PCDHGB4: variants seen among roughly 807,000 people sequenced by gnomAD.
PCDHGB4 encodes protocadherin gamma-B4.
Under a neutral mutation model 60.5 loss-of-function variants are expected in PCDHGB4, and 38 were observed. That is an observed-to-expected ratio of 0.63 (90% CI 0.48 to 0.82). The LOEUF (loss-of-function observed/expected upper bound fraction) is 0.82, where lower values mean the gene tolerates loss of function less well. Among genes scored for constraint, PCDHGB4 ranks in the 40% least tolerant of loss-of-function variants. The pLI, the probability that PCDHGB4 is intolerant of heterozygous loss-of-function variation, is 0.00. For missense variants in PCDHGB4, 1,109 were observed against 1,209.6 expected (o/e 0.92, Z 1.23); for synonymous variants, 456 against 509.7 (o/e 0.89, Z 1.42).
At chr5:141,405,062 T>C in intron 1 of PCDHGB4, 1 of 1,613,918 alleles carries the variant, frequency 6.2e-7, no homozygotes, top group Non-Finnish European at 8.5e-7. Flanking sequence ...CTCCTGTGTC[T>C]TCCTCACCTT....
rs539072548 is a variant in PCDHGB4 at position 141,421,546 on chromosome 5, A to G, written c.2397+31265A>G. 4.3e-6 allele frequency: 7 copies of G among 1,613,896 alleles called. No homozygotes were observed. The South Asian group carries it at 4.4e-5, about 10-fold the overall frequency. ...GACGGTGTCCTCCTGTTTTTTAAAT[A>G]TGGAACTTCTCGTGGAAGACACCTT... On this transcript the variant is annotated intron_variant, in intron 1 of 3. Transcript: ENST00000519479.
chr5:141,403,256 T>G, intron 1 of PCDHGB4: 3 of 1,613,854 alleles, frequency 1.9e-6, no homozygotes, highest in Non-Finnish European at 2.5e-6. Flanking sequence ...GAGCCCGCGG[T>G]GTCTGGTGAA....
In PCDHGB4 at chr5:141,511,318, A is replaced by C; in HGVS notation, c.*145A>C. 2 of 1,476,400 alleles carry C rather than the reference A, an allele frequency of 1.4e-6. No homozygotes were observed. Among genetic ancestry groups the C allele is most frequent in the South Asian group, 2.7e-5 (2 of 72,796 alleles). 91.5% of individuals were successfully genotyped at this position (1,476,400 alleles called of 1,614,324 possible). On this transcript the variant is annotated 3_prime_UTR_variant, in exon 4 of 4. Transcript: ENST00000519479. The stretch of plus-strand genomic sequence containing the variant: ...GCCATGCTCCCCTTGGGAAACAGAA[A>C]CAAGTGCCCAGTCAGCACCTACCCC...
At chr5:141,458,064 C>T (rs886724551) in intron 1 of PCDHGB4, among the ~76,000 whole-genome samples, 14 of 152,104 alleles carry the variant, frequency 9.2e-5, no homozygotes, top group East Asian at 3.9e-4. Context: ...TGCACTGATG[C>T]GAACAACTAT....
chr5:141,399,631 T>A lies in PCDHGB4; in HGVS notation c.2397+9350T>A, dbSNP rs1251761184. On this transcript the variant is annotated intron_variant, in intron 1 of 3. Transcript: ENST00000519479. ...GCCTCTGGCACTGGCCTCTTACGTGTCCATGAGCGCGCAAAGTGGGGTGGT... is the reference window on the plus strand; with the variant it reads ...GCCTCTGGCACTGGCCTCTTACGTGACCATGAGCGCGCAAAGTGGGGTGGT... 31 of 1,613,746 alleles carry A rather than the reference T, an allele frequency of 1.9e-5. No homozygotes were observed. The highest frequency in any genetic ancestry group is 2.4e-5 in the Non-Finnish European group (28 of 1,179,892).
intron 1 of PCDHGB4, chr5:141,442,449 T>TA (rs1488731055): frequency 6.6e-6 from 1 of 152,210 alleles, no homozygotes; most frequent in African/African-American, 2.4e-5. Context: ...CAGGACTCAA[T>TA]AGCAGTTTCA....
At chr5:141,508,896 C>A (rs1171693212) in intron 3 of PCDHGB4, among the ~76,000 whole-genome samples, 1 of 151,862 alleles carries the variant, frequency 6.6e-6, no homozygotes, top group Non-Finnish European at 1.5e-5. Context: ...GGGGAGGGGG[C>A]GGGGCGGTGG....
intron 1 of PCDHGB4, among the ~76,000 whole-genome samples, chr5:141,442,913 AACT>A (rs1163578304): frequency 6.6e-6 from 1 of 152,214 alleles, no homozygotes. Flanking sequence ...TTCAGCACAC[AACT>A]GTTTCATTTT....
At chr5:141,441,246 C>G (rs2098234855) in intron 1 of PCDHGB4, 1 of 152,136 alleles carries the variant, frequency 6.6e-6, no homozygotes, top group Non-Finnish European at 1.5e-5. Flanking sequence ...ATCACAAGAT[C>G]TTTAAATCAC....
chr5:141,404,315 G>A lies in PCDHGB4; in HGVS notation c.2397+14034G>A, dbSNP rs775576610. The A allele has an allele frequency of 9.7e-5, 157 of 1,613,768 alleles. No individual in the cohort carries two copies. Among genetic ancestry groups the A allele is most frequent in the South Asian group, 4.1e-4 (37 of 91,078 alleles). On this transcript the variant is annotated intron_variant, in intron 1 of 3. Transcript: ENST00000519479. Reference sequence around the variant, plus strand: ...TGATAATCCACCTGCTTTCTCTCAAGCCTCCTACTCAGTCTACCTCCCGGA... The same window carrying A: ...TGATAATCCACCTGCTTTCTCTCAAACCTCCTACTCAGTCTACCTCCCGGA...
chr5:141,415,301 T>C, intron 1 of PCDHGB4: 1 of 1,614,230 alleles, frequency 6.2e-7, no homozygotes, highest in South Asian at 1.1e-5. Context: ...TGCGTCTTCC[T>C]GGCCTTCGTC....
In PCDHGB4 at chr5:141,414,978, C is replaced by T. The variant is rs757917979; in HGVS notation, c.2397+24697C>T. On this transcript the variant is annotated intron_variant, in intron 1 of 3. Coordinates refer to ENST00000519479, the MANE Select transcript of PCDHGB4 (RefSeq NM_003736.4). The stretch of plus-strand genomic sequence containing the variant: ...CCAAGGTGGTGGCGGTGGACAGAGA[C>T]TCCGGCCAGAACGCCTGGCTGTCCT... 8 of 1,613,878 alleles carry T rather than the reference C, an allele frequency of 5.0e-6. No individual in the cohort carries two copies. The South Asian group carries it at 8.8e-5, about 18-fold the overall frequency.
chr5:141,477,157 C>G lies in PCDHGB4; in HGVS notation c.2398-17650C>G. ...TGGTGGAGGTTGTGGATGTGAATGA[C>G]AACGCCCCGGAGATCACAGTCACCT... is the stretch of plus-strand genomic sequence containing the variant. On this transcript the variant is annotated intron_variant, in intron 1 of 3. Transcript: ENST00000519479. This position sits in a 1 kb window ranked among gnomAD's most constrained non-coding sequence, Gnocchi z 4.9. 1 of 1,614,182 alleles carries G rather than the reference C, an allele frequency of 6.2e-7. No individual in the cohort carries two copies. Among genetic ancestry groups the G allele is most frequent in the Non-Finnish European group, 8.5e-7 (1 of 1,180,038 alleles).
intron 1 of PCDHGB4, chr5:141,421,637 A>T: frequency 6.2e-7 from 1 of 1,613,810 alleles, no homozygotes; most frequent in Non-Finnish European, 8.5e-7. Flanking sequence ...TTCCAGGAGG[A>T]CGAAGTGGAG....
At chr5:141,418,520 C>T (rs766042374) in intron 1 of PCDHGB4, 3 of 1,613,936 alleles carry the variant, frequency 1.9e-6, no homozygotes, top group Non-Finnish European at 2.5e-6. Flanking sequence ...TGGGGACCCT[C>T]CCCGAAGCGG....
intron 1 of PCDHGB4, chr5:141,442,367 T>C (rs1304138950): frequency 6.6e-6 from 1 of 152,282 alleles, no homozygotes; most frequent in Non-Finnish European, 1.5e-5. Flanking sequence ...TATGATGCCA[T>C]ATTCCTACCA....
intron 1 of PCDHGB4, among the ~76,000 whole-genome samples, chr5:141,483,755 G>A (rs2099586573): frequency 6.6e-6 from 1 of 152,130 alleles, no homozygotes. Flanking sequence ...TGAGGATCGA[G>A]GCTTGGAAAA....
chr5:141,452,148 T>C (rs1294195346), intron 1 of PCDHGB4, among the ~76,000 whole-genome samples: 1 of 152,228 alleles, frequency 6.6e-6, no homozygotes, highest in Non-Finnish European at 1.5e-5. Flanking sequence ...TTTTTTCCAA[T>C]GAGTTATATT....
chr5:141,423,323 C>A (rs200492485), intron 1 of PCDHGB4: 91 of 1,614,146 alleles, frequency 5.6e-5, no homozygotes, highest in Non-Finnish European at 4.2e-6. Flanking sequence ...GTGGCGGTGG[C>A]CGCAGTCTCC....
Sources: gnomAD v4.1 joint callset for allele counts (sites outside exome capture counted in the v4.1 genomes callset) on GRCh38, gnomAD v4.1.1 for gene constraint, Gnocchi (gnomAD v3.1) non-coding constraint, MANE v1.5 for transcripts, NCBI Gene and HGNC (gene_info 2026-07-23, HGNC 2026-07-21) for gene names.